DMXL1: variants seen among roughly 807,000 people sequenced by gnomAD.
DMXL1 encodes dmX-like protein 1.
In DMXL1, 99 loss-of-function variants were observed where a neutral mutation model predicts 319.2. That is an observed-to-expected ratio of 0.31 (90% confidence interval 0.26 to 0.37). The LOEUF (loss-of-function observed/expected upper bound fraction) is 0.37. Among genes scored for constraint, DMXL1 ranks in the 10% least tolerant of loss-of-function variants. The pLI, the probability that DMXL1 is intolerant of heterozygous loss-of-function variation, is 1.00. For synonymous variants in DMXL1, 1,385 were observed against 1,235.2 expected (o/e 1.12, Z -2.54); for missense variants, 3,745 against 3,595.6 (o/e 1.04, Z -1.06).
chr5:119,170,900 C>G lies in DMXL1; in HGVS notation c.6109C>G (p.Leu2037Val). ...QLKFRACLKI[L>V]TVELRTLSTG... ...AAAATTTAGAGCATGTTTAAAGATT[C>G]TCACAGTAGAACTTCGTACTTTATC... The change falls in exon 24 of 44, where the codon CTC (leucine) becomes GTC (valine). Residue 2037 changes from leucine (L) to valine (V), a missense_variant. Leu to Val is a conservative substitution (Grantham distance 32). Around this residue, in one of 4 missense-constraint regions of DMXL1, gnomAD observed 1,382 missense variants for 1,269.5 expected, o/e 1.09. Transcript: ENST00000539542. 1 of 1,612,942 alleles carries G rather than the reference C, an allele frequency of 6.2e-7. No homozygotes were observed. Among genetic ancestry groups the G allele is most frequent in the Non-Finnish European group, 8.5e-7 (1 of 1,179,744 alleles).
At chr5:119,211,549 G>A (rs1437232786) in intron 34 of DMXL1, among the ~76,000 whole-genome samples, 2 of 152,048 alleles carry the variant, frequency 1.3e-5, no homozygotes, top group East Asian at 3.9e-4. Context: ...TGGTGATGCT[G>A]CCTCTCCTTC....
chr5:119,182,119 T>C (rs1190649585), intron 28 of DMXL1, among the ~76,000 whole-genome samples: 2 of 152,232 alleles, frequency 1.3e-5, no homozygotes, highest in Non-Finnish European at 2.9e-5. Context: ...CTGCTAATCA[T>C]AATCATTGAT....
chr5:119,112,016 A>AGT (rs1166215779), intron 5 of DMXL1, among the ~76,000 whole-genome samples: 35 of 151,878 alleles, frequency 2.3e-4, no homozygotes. Context: ...CCTGGAATGC[A>AGT]GTGGTGTGAT....
At position 119,084,157 on chromosome 5, in the gene DMXL1, G is replaced by C. The variant is rs146858747; in HGVS notation, c.87+12501G>C. Among the ~76,000 whole-genome samples, 37 of 150,812 alleles carry C rather than the reference G, an allele frequency of 2.5e-4. No individual in the cohort carries two copies. In the East Asian group the frequency reaches 6.1e-3, roughly 25 times the overall value. On this transcript the variant is annotated intron_variant, in intron 1 of 43. Transcript: ENST00000539542. ...TTTTTTTAAGACGGAGTCTTGTGCT[G>C]TTGCCCAGGCTGGAGTGTGGTGGCT...
rs965651369 is a variant in DMXL1 at position 119,226,899 on chromosome 5, G to T, written c.8338+2130G>T. 3.9e-5 allele frequency among the ~76,000 whole-genome samples: 6 copies of T among 152,210 alleles called. No homozygotes were observed. In the East Asian group the frequency reaches 1.2e-3, roughly 29 times the overall value. On this transcript the variant is annotated intron_variant, in intron 38 of 43. Coordinates refer to ENST00000539542, the MANE Select transcript of DMXL1 (RefSeq NM_001290321.3). ...ATGAGGTCTGTAAGACTCCTAAGCA[G>T]AGGAGCTTCTCTCCCCTTGGAGTTA...
intron 29 of DMXL1, among the ~76,000 whole-genome samples, chr5:119,192,014 G>C (rs543164090): frequency 6.6e-6 from 1 of 152,226 alleles, no homozygotes; most frequent in African/African-American, 2.4e-5. Context: ...TCTTTACTCA[G>C]CTGTTCCAGA....
At chr5:119,220,799 A>T in intron 36 of DMXL1, 141 bp from the exon 37 acceptor site, 1 of 1,152,654 alleles carries the variant, frequency 8.7e-7, no homozygotes, top group Non-Finnish European at 1.2e-6. Context: ...TTGAGGTATG[A>T]GGTCATTGTG....
intron 31 of DMXL1, 104 bp from the exon 32 acceptor site, chr5:119,197,651 T>A (rs1321347413): frequency 9.6e-7 from 1 of 1,043,514 alleles, no homozygotes; most frequent in Admixed American, 2.3e-5. Context: ...CAGTCTTTTT[T>A]TTTTTCCTGC....
intron 34 of DMXL1, among the ~76,000 whole-genome samples, chr5:119,214,108 T>G (rs1382671341): frequency 2.6e-5 from 4 of 152,102 alleles, no homozygotes; most frequent in Non-Finnish European, 5.9e-5. Context: ...CTCAAATCTC[T>G]CTCAACTAAT....
At chr5:119,150,596 C>T (rs114306396) in intron 18 of DMXL1, among the ~76,000 whole-genome samples, 175 bp downstream of exon 18, 6 of 151,964 alleles carry the variant, frequency 3.9e-5, no homozygotes, top group Non-Finnish European at 8.8e-5. Flanking sequence ...TAAGACCAGT[C>T]TGGGCAACAT....
chr5:119,219,175 A>G (rs1338739861), intron 35 of DMXL1, among the ~76,000 whole-genome samples: 2 of 152,174 alleles, frequency 1.3e-5, no homozygotes, highest in African/African-American at 4.8e-5. Flanking sequence ...AGAGGGCCAG[A>G]TGATACCTAC....
Position 119,247,250 on chromosome 5 carries a change from C to T in DMXL1, c.*31C>T. 2.0e-6 allele frequency: 3 copies of T among 1,508,262 alleles called. No individual in the cohort carries two copies. Among genetic ancestry groups the T allele is most frequent in the South Asian group, 2.3e-5 (2 of 85,936 alleles). 93.4% of individuals were successfully genotyped at this position (1,508,262 alleles called of 1,614,324 possible). On this transcript the variant is annotated 3_prime_UTR_variant, in exon 44 of 44. Coordinates refer to ENST00000539542, the MANE Select transcript of DMXL1 (RefSeq NM_001290321.3). ...TTACAATAAGATGTACAATTTATTA[C>T]CTATATGGAAGTGGCCAACAGATAT... is the stretch of plus-strand genomic sequence containing the variant.
chr5:119,177,691 G>T (rs1776073299), intron 27 of DMXL1, among the ~76,000 whole-genome samples: 1 of 151,930 alleles, frequency 6.6e-6, no homozygotes. Flanking sequence ...CAAATGTTTT[G>T]TAATACCGTT....
chr5:119,083,951 G>A (rs1291783501), intron 1 of DMXL1, among the ~76,000 whole-genome samples: 1 of 152,158 alleles, frequency 6.6e-6, no homozygotes, highest in Non-Finnish European at 1.5e-5. Flanking sequence ...GAGAACATCT[G>A]CTATTTCCAG....
chr5:119,073,752 A>G lies in DMXL1; in HGVS notation c.87+2096A>G, dbSNP rs144532096. ...TTTGATGGAATTTTAAGGATTTAAC[A>G]GTCATGGTTTTCCTTTGCAGCCTGT... On this transcript the variant is annotated intron_variant, in intron 1 of 43. Coordinates refer to ENST00000539542, the MANE Select transcript of DMXL1 (RefSeq NM_001290321.3). Among the ~76,000 whole-genome samples, 855 of 152,286 alleles carry G rather than the reference A, an allele frequency of 5.6e-3. 7 individuals are homozygous for G. Among genetic ancestry groups the G allele is most frequent in the African/African-American group, 0.02 (822 of 41,566 alleles).
intron 1 of DMXL1, among the ~76,000 whole-genome samples, chr5:119,073,822 C>G (rs1750196209): frequency 6.6e-6 from 1 of 152,094 alleles, no homozygotes; most frequent in South Asian, 2.1e-4. Flanking sequence ...ATCCTGGACA[C>G]TTATATACAC....
At chr5:119,098,611 G>A (rs1435936508) in intron 2 of DMXL1, among the ~76,000 whole-genome samples, 1 of 152,142 alleles carries the variant, frequency 6.6e-6, no homozygotes, top group African/African-American at 2.4e-5. Flanking sequence ...ATTTGCATAT[G>A]AAAAGTAGAA....
intron 38 of DMXL1, among the ~76,000 whole-genome samples, chr5:119,226,181 ATCCTTTC>A (rs1241648490): frequency 6.6e-6 from 1 of 152,164 alleles, no homozygotes; most frequent in Non-Finnish European, 1.5e-5. Flanking sequence ...TGAGAGATAA[ATCCTTTC>A]TCTGTTTAGA....
At chr5:119,153,488 T>C (rs748856704) in intron 19 of DMXL1, among the ~76,000 whole-genome samples, 13 of 152,244 alleles carry the variant, frequency 8.5e-5, no homozygotes, top group African/African-American at 3.1e-4. Context: ...TACACTATTA[T>C]TAAAGGTAGC....
Sources: gnomAD v4.1 joint callset for allele counts (sites outside exome capture counted in the v4.1 genomes callset) on GRCh38, gnomAD v4.1.1 for gene constraint, gnomAD v4.1.1 regional missense constraint, MANE v1.5 for transcripts, NCBI Gene and HGNC (gene_info 2026-07-23, HGNC 2026-07-21) for gene names.